The following ATXN2 variants were observed in gnomAD, a reference collection of about 807,000 sequenced individuals.
The protein encoded by ATXN2 is ataxin-2.
Under a neutral mutation model 138.6 loss-of-function variants are expected in ATXN2, and 37 were observed. The observed-to-expected ratio is 0.27, with a 90% CI of 0.21 to 0.35. ATXN2 has a LOEUF of 0.35. Ranked by LOEUF, ATXN2 falls within the 10% of genes least tolerant of loss-of-function variation. The pLI is 1.00. For missense variants in ATXN2, 1,216 were observed against 1,480.3 expected, an observed-to-expected ratio of 0.82 and a Z score of 2.93; for synonymous variants, 549 against 543.7, an observed-to-expected ratio of 1.01 and a Z score of -0.13.
chr12:111,507,688 T>G (rs1019577838), intron 14 of ATXN2, among the ~76,000 whole-genome samples: 4 of 152,206 alleles, frequency 2.6e-5, no homozygotes, highest in Non-Finnish European at 4.4e-5. Flanking sequence ...GAACGGGCCA[T>G]GATGACAATG....
At chr12:111,487,507 C>A (rs1186186143) in intron 15 of ATXN2, among the ~76,000 whole-genome samples, 1 of 151,930 alleles carries the variant, frequency 6.6e-6, no homozygotes, top group South Asian at 2.1e-4. Flanking sequence ...GTCACCCAGG[C>A]TGGAGTGCAG....
At chr12:111,574,308 CAAAAAAAAAAA>C (rs997437123) in intron 1 of ATXN2, among the ~76,000 whole-genome samples, 4 of 32,590 alleles carry the variant, frequency 1.2e-4, no homozygotes, top group East Asian at 9.4e-4. Flanking sequence ...ACTCTGTCTC[CAAAAAAAAAAA>C]AAAAAAAAAA....
chr12:111,582,977 GTTTTTTTTTTTGTTTGTTTTT>G (rs1164934885), intron 1 of ATXN2, among the ~76,000 whole-genome samples: 71 of 109,482 alleles, frequency 6.5e-4, no homozygotes, highest in Non-Finnish European at 2.0e-4. Context: ...CAGTATCTCA[GTTTTTTTTTTTGTTTGTTTTT>G]TTTTTTTTTT....
intron 20 of ATXN2, among the ~76,000 whole-genome samples, chr12:111,465,358 A>G (rs138130953): frequency 6.6e-6 from 1 of 152,204 alleles, no homozygotes; most frequent in East Asian, 1.9e-4. Context: ...CCAAAAACAA[A>G]TCAAAAAAGG....
At position 111,469,968 on chromosome 12, in the gene ATXN2, A is replaced by G. The variant is rs993850087; in HGVS notation, c.2842+140T>C. The G allele has an allele frequency of 5.9e-6, 6 of 1,025,430 alleles. No individual in the cohort carries two copies. The African/African-American group carries it at 9.7e-5, about 16-fold the overall frequency. The allele number at this position is 1,025,430 out of a possible 1,614,324, so 63.5% of individuals were successfully genotyped here. A position where few individuals can be genotyped will look rare whatever the true frequency, so the allele number is the denominator to read the frequency against. On this transcript the variant is annotated intron_variant, in intron 20 of 24. Coordinates refer to ENST00000673436, the MANE Select transcript of ATXN2 (RefSeq NM_001372574.1). ...AAGTTATAAAGCAAGTCAGGCAAAG[A>G]AATGGGTTCATCTTTTCCTTCAGAT...
intron 14 of ATXN2, among the ~76,000 whole-genome samples, chr12:111,502,481 G>A (rs928719806): frequency 1.3e-5 from 2 of 151,954 alleles, no homozygotes; most frequent in African/African-American, 2.4e-5. Flanking sequence ...CCAGGCTGGA[G>A]TGCAGCGGCA....
rs763808537 is a variant in ATXN2 at position 111,452,635 on chromosome 12, C to T, written c.*177G>A. ...CCCCAAGTTCCTAAATGCCTCTACT[C>T]GGTCCAAGTATCTTCCACTGCAAGT... On this transcript the variant is annotated 3_prime_UTR_variant, in exon 25 of 25. Coordinates refer to ENST00000673436, the MANE Select transcript of ATXN2 (RefSeq NM_001372574.1). 9.7e-6 allele frequency: 7 copies of T among 724,922 alleles called. No individual in the cohort carries two copies. The East Asian group carries it at 1.1e-4, about 11-fold the overall frequency. The allele number at this position is 724,922 out of a possible 1,614,324, so 44.9% of individuals were successfully genotyped here. A position where few individuals can be genotyped will look rare whatever the true frequency, so the allele number is the denominator to read the frequency against.
chr12:111,569,360 A>G (rs1883190371), intron 1 of ATXN2, among the ~76,000 whole-genome samples: 1 of 152,210 alleles, frequency 6.6e-6, no homozygotes, highest in South Asian at 2.1e-4. Flanking sequence ...AGTGCCTGGT[A>G]TGTTATTAAG....
chr12:111,545,979 AG>A (rs1881780698), intron 5 of ATXN2, among the ~76,000 whole-genome samples: 1 of 151,688 alleles, frequency 6.6e-6, no homozygotes, highest in Admixed American at 6.6e-5. Context: ...AAAAAAAAAA[AG>A]ATGGCACGGA....
At position 111,452,602 on chromosome 12, in the gene ATXN2, G is replaced by A. The variant is rs1040373022; in HGVS notation, c.*210C>T. On this transcript the variant is annotated 3_prime_UTR_variant, in exon 25 of 25. Transcript: ENST00000673436. ...ACTCTGAAACAGCATATGGAATTAT[G>A]GAATAGCCCCCAAGTTCCTAAATGC... The A allele has an allele frequency of 1.7e-6, 1 of 598,662 alleles. No homozygotes were observed. Among genetic ancestry groups the A allele is most frequent in the African/African-American group, 1.9e-5 (1 of 53,584 alleles). 37.1% of individuals were successfully genotyped at this position (598,662 alleles called of 1,614,324 possible). A position where few individuals can be genotyped will look rare whatever the true frequency, so the allele number is the denominator to read the frequency against.
At chr12:111,534,262 AT>A (rs139709342) in intron 5 of ATXN2, among the ~76,000 whole-genome samples, 6,383 of 151,962 alleles carry the variant, frequency 0.042, 441 homozygotes, top group African/African-American at 0.15. Context: ...TTAGCCAGGC[AT>A]GGTGATGCGC....
chr12:111,485,053 A>G (rs1251983622), intron 18 of ATXN2: 3 of 460,838 alleles, frequency 6.5e-6, no homozygotes, highest in Non-Finnish European at 1.2e-5. Flanking sequence ...TGAAGAGGAT[A>G]CTATATAATC....
At chr12:111,532,820 A>T (rs1880908562) in intron 5 of ATXN2, among the ~76,000 whole-genome samples, 1 of 147,846 alleles carries the variant, frequency 6.8e-6, no homozygotes, top group Non-Finnish European at 1.5e-5. Flanking sequence ...GACTGGAAGG[A>T]GTGGTCATCA....
At chr12:111,483,266 A>G (rs183345631) in intron 18 of ATXN2, among the ~76,000 whole-genome samples, 2 of 151,798 alleles carry the variant, frequency 1.3e-5, no homozygotes, top group East Asian at 3.9e-4. Flanking sequence ...ACATTGAGGA[A>G]ATCTTATTAA....
intron 5 of ATXN2, among the ~76,000 whole-genome samples, chr12:111,551,070 G>A (rs1272315170): frequency 3.3e-5 from 5 of 152,110 alleles, no homozygotes; most frequent in African/African-American, 9.7e-5. Context: ...AGGCCGAGGC[G>A]GGCGGATCAC....
intron 1 of ATXN2, among the ~76,000 whole-genome samples, chr12:111,579,993 C>G (rs1056599225): frequency 6.6e-6 from 1 of 152,112 alleles, no homozygotes; most frequent in Non-Finnish European, 1.5e-5. Context: ...AGCCACTGGG[C>G]CCAGCCAGAG....
chr12:111,520,188 A>C, intron 7 of ATXN2, 112 bp from the exon 8 acceptor site: 1 of 1,129,956 alleles, frequency 8.8e-7, no homozygotes, highest in Non-Finnish European at 1.2e-6. Context: ...GTAAAAACAG[A>C]AACTAAAACT....
chr12:111,488,856 C>T (rs530815386), intron 14 of ATXN2, 76 bp from the exon 15 acceptor site: 14 of 1,218,184 alleles, frequency 1.1e-5, no homozygotes, highest in South Asian at 4.6e-5. Flanking sequence ...GCACAAGCTA[C>T]GTAATATTAA....
chr12:111,453,507 T>C lies in ATXN2; in HGVS notation c.3439+170A>G, dbSNP rs982676517. The C allele has an allele frequency of 7.4e-7, 1 of 1,346,908 alleles. No homozygotes were observed. The highest frequency in any genetic ancestry group is 3.6e-5 in the Admixed American group (1 of 27,404). 83.4% of individuals were successfully genotyped at this position (1,346,908 alleles called of 1,614,324 possible). A position where few individuals can be genotyped will look rare whatever the true frequency, so the allele number is the denominator to read the frequency against. Reference sequence around the variant, plus strand: ...CACACAGACTCGGCTCCCGGAAGCCTCAGGCCCTGATGCTGAACTGATCGT... The same window carrying C: ...CACACAGACTCGGCTCCCGGAAGCCCCAGGCCCTGATGCTGAACTGATCGT... On this transcript the variant is annotated intron_variant, in intron 24 of 24. Transcript: ENST00000673436. The surrounding 1 kb of genome is among the most constrained non-coding windows in gnomAD (Gnocchi z 5.4).
Sources: allele counts gnomAD v4.1 joint callset (sites outside exome capture counted in the v4.1 genomes callset), GRCh38; gene constraint gnomAD v4.1.1; non-coding constraint Gnocchi (gnomAD v3.1); transcripts MANE v1.5; gene names NCBI Gene and HGNC (gene_info 2026-07-23, HGNC 2026-07-21).